TMEM163: variants seen among roughly 807,000 people sequenced by gnomAD.
TMEM163 encodes transmembrane protein 163.
TMEM163 carries 17 observed loss-of-function variants against 29.3 expected under a neutral mutation model. The ratio of observed to expected loss-of-function variants is 0.58; its 90% CI spans 0.40 to 0.87. The LOEUF (loss-of-function observed/expected upper bound fraction) is 0.87, where lower values mean the gene tolerates loss of function less well. Ranked by LOEUF, TMEM163 falls within the 40% of genes least tolerant of loss-of-function variation. The pLI is 0.00. For synonymous variants in TMEM163, 157 were observed against 160.6 expected, an observed-to-expected ratio of 0.98 and a Z score of 0.17; for missense variants, 303 against 381.5, an observed-to-expected ratio of 0.79 and a Z score of 1.71.
intron 5 of TMEM163, among the ~76,000 whole-genome samples, chr2:134,501,319 G>C (rs893053780): frequency 6.6e-6 from 1 of 152,116 alleles, no homozygotes. Flanking sequence ...TCTCTTAAGA[G>C]TATTTGCACT....
At chr2:134,610,879 C>G (rs1242805046) in intron 2 of TMEM163, among the ~76,000 whole-genome samples, 1 of 152,104 alleles carries the variant, frequency 6.6e-6, no homozygotes, top group African/African-American at 2.4e-5. Context: ...GGGCTAATTG[C>G]TACAGATTAG....
At chr2:134,648,051 C>A (rs942300248) in intron 2 of TMEM163, among the ~76,000 whole-genome samples, 1 of 152,178 alleles carries the variant, frequency 6.6e-6, no homozygotes, top group Non-Finnish European at 1.5e-5. Context: ...GAATTCTTGT[C>A]CAGCGTCCAG....
chr2:134,533,456 A>G (rs1245004247), intron 4 of TMEM163, among the ~76,000 whole-genome samples: 2 of 152,222 alleles, frequency 1.3e-5, no homozygotes, highest in Admixed American at 6.5e-5. Flanking sequence ...GTTCACTGTG[A>G]TGATCTTTTA....
At chr2:134,610,241 G>GA (rs371519858) in intron 2 of TMEM163, among the ~76,000 whole-genome samples, 171 of 152,308 alleles carry the variant, frequency 1.1e-3, no homozygotes, top group African/African-American at 3.8e-3. Flanking sequence ...GGACAGAGGG[G>GA]ACAGAACCTA....
intron 5 of TMEM163, among the ~76,000 whole-genome samples, chr2:134,488,631 A>T (rs629898): frequency 0.63 from 95,144 of 151,978 alleles, 32,114 homozygotes; most frequent in East Asian, 0.96. Context: ...GGACTTTAGC[A>T]TGTGATCATG....
At chr2:134,568,755 A>G (rs998914663) in intron 2 of TMEM163, among the ~76,000 whole-genome samples, 1 of 152,192 alleles carries the variant, frequency 6.6e-6, no homozygotes, top group Non-Finnish European at 1.5e-5. Context: ...AGAATGAAGG[A>G]AAGAAATCTT....
At chr2:134,548,327 C>T (rs903979112) in intron 4 of TMEM163, among the ~76,000 whole-genome samples, 2 of 152,022 alleles carry the variant, frequency 1.3e-5, no homozygotes, top group African/African-American at 4.8e-5. Context: ...CTCATTAAGT[C>T]TTTAGGATTT....
At chr2:134,550,461 T>G in intron 4 of TMEM163, 109 bp downstream of exon 4, 1 of 1,038,418 alleles carries the variant, frequency 9.6e-7, no homozygotes, top group South Asian at 1.4e-5. Flanking sequence ...GGGGACCTTC[T>G]TCTCATCACT....
chr2:134,559,988 C>A (rs982338122), intron 2 of TMEM163, among the ~76,000 whole-genome samples: 1 of 152,100 alleles, frequency 6.6e-6, no homozygotes, highest in Admixed American at 6.5e-5. Flanking sequence ...GCGGCCCACA[C>A]CTGCTCACTG....
chr2:134,614,065 T>C (rs375475385), intron 2 of TMEM163, among the ~76,000 whole-genome samples: 4 of 152,158 alleles, frequency 2.6e-5, no homozygotes, highest in East Asian at 3.9e-4. Context: ...CTTTTCCTAA[T>C]GTTAAGGCTT....
At chr2:134,590,718 T>G (rs1337316800) in intron 2 of TMEM163, among the ~76,000 whole-genome samples, 4 of 152,194 alleles carry the variant, frequency 2.6e-5, no homozygotes, top group Non-Finnish European at 5.9e-5. Context: ...GGTGAATTAT[T>G]CATGCCTCCC....
At chr2:134,637,827 T>G (rs1167936332) in intron 2 of TMEM163, among the ~76,000 whole-genome samples, 1 of 152,244 alleles carries the variant, frequency 6.6e-6, no homozygotes, top group East Asian at 1.9e-4. Flanking sequence ...AGAAGTGTTT[T>G]GGGTCTTTAT....
intron 6 of TMEM163, among the ~76,000 whole-genome samples, chr2:134,464,294 C>A (rs1160753587): frequency 1.3e-5 from 2 of 152,102 alleles, no homozygotes; most frequent in Non-Finnish European, 2.9e-5. Context: ...GGCACAGGGG[C>A]AGCACCAAAC....
chr2:134,565,509 G>A lies in TMEM163; in HGVS notation c.323-13418C>T, dbSNP rs1479180099. Among the ~76,000 whole-genome samples the A allele has an allele frequency of 3.3e-5, 5 of 152,130 alleles. No individual in the cohort carries two copies. In the East Asian group the frequency reaches 7.8e-4, roughly 24 times the overall value. On this transcript the variant is annotated intron_variant, in intron 2 of 7. Transcript: ENST00000281924. Reference sequence around the variant, plus strand: ...TAATCCCAGCTACTCGGGAGGCTGAGGCAGGAGAATCACTTCAACCTGGGA... The same window carrying A: ...TAATCCCAGCTACTCGGGAGGCTGAAGCAGGAGAATCACTTCAACCTGGGA...
intron 2 of TMEM163, among the ~76,000 whole-genome samples, chr2:134,672,341 A>G (rs1247403697): frequency 2.6e-5 from 4 of 152,226 alleles, no homozygotes; most frequent in Non-Finnish European, 5.9e-5. Context: ...TATGATATGC[A>G]TAGGTACAAA....
intron 2 of TMEM163, among the ~76,000 whole-genome samples, chr2:134,687,683 A>T (rs1684378224): frequency 6.6e-6 from 1 of 152,186 alleles, no homozygotes; most frequent in South Asian, 2.1e-4. Context: ...ATTCATTATA[A>T]ATCACATACT....
intron 5 of TMEM163, chr2:134,467,332 A>AGTAGATTT (rs1558912726): frequency 1.3e-5 from 2 of 151,956 alleles, no homozygotes; most frequent in Non-Finnish European, 2.9e-5. Flanking sequence ...AATCTAACAC[A>AGTAGATTT]GAGTAGAGAA....
intron 4 of TMEM163, among the ~76,000 whole-genome samples, chr2:134,512,394 G>A (rs1216734984): frequency 6.6e-6 from 1 of 152,188 alleles, no homozygotes; most frequent in African/African-American, 2.4e-5. Flanking sequence ...GGGAGGTGGA[G>A]GTTGCTGTGA....
intron 2 of TMEM163, among the ~76,000 whole-genome samples, chr2:134,592,261 T>G (rs1681952928): frequency 6.6e-6 from 1 of 152,116 alleles, no homozygotes; most frequent in African/African-American, 2.4e-5. Flanking sequence ...ATAGTAAAAG[T>G]CTCCTTTTGG....
Sources: allele counts gnomAD v4.1 joint callset (sites outside exome capture counted in the v4.1 genomes callset), GRCh38; gene constraint gnomAD v4.1.1; transcripts MANE v1.5; gene names NCBI Gene and HGNC (gene_info 2026-07-23, HGNC 2026-07-21).